RNGTT: variants seen among roughly 807,000 people sequenced by gnomAD.
RNGTT encodes the protein mRNA-capping enzyme.
Under a neutral mutation model 79.3 loss-of-function variants are expected in RNGTT, and 33 were observed. The ratio of observed to expected loss-of-function variants is 0.42; its 90% CI spans 0.32 to 0.56. The LOEUF (loss-of-function observed/expected upper bound fraction) is 0.56. RNGTT is among the 20% of genes least tolerant of loss of function. The pLI, the probability that RNGTT is intolerant of heterozygous loss-of-function variation, is 0.17. For missense variants in RNGTT, 497 were observed against 739.1 expected, an observed-to-expected ratio of 0.67 and a Z score of 3.80; for synonymous variants, 222 against 235.9, an observed-to-expected ratio of 0.94 and a Z score of 0.54.
In RNGTT at chr6:88,610,727, T is replaced by C. The variant is rs1352919506; in HGVS notation, c.*1992A>G. On this transcript the variant is annotated 3_prime_UTR_variant, in exon 16 of 16. Transcript: ENST00000369485. The stretch of plus-strand genomic sequence containing the variant: ...AATGCACAAAGACTTGAAGAAAATA[T>C]CTGGGTGTATTAAAAGTGAGATGCT... The C allele has an allele frequency of 6.6e-6, 1 of 152,192 alleles. No homozygotes were observed. Among genetic ancestry groups the C allele is most frequent in the Non-Finnish European group, 1.5e-5 (1 of 68,030 alleles). 9.4% of individuals were successfully genotyped at this position (152,192 alleles called of 1,614,324 possible).
intron 2 of RNGTT, among the ~76,000 whole-genome samples, chr6:88,939,617 A>C (rs1361152334): frequency 6.6e-6 from 1 of 152,070 alleles, no homozygotes; most frequent in South Asian, 2.1e-4. Flanking sequence ...CCATTTCATG[A>C]ATTTTTTTAT....
At chr6:88,698,200 GATATATATGAAATATATATATCAT>G (rs1226405784) in intron 13 of RNGTT, among the ~76,000 whole-genome samples, 4 of 81,298 alleles carry the variant, frequency 4.9e-5, no homozygotes, top group South Asian at 6.4e-4. Context: ...AAATATATAT[GATATATATGAAATATATATATCAT>G]ATATATATGA....
chr6:88,676,288 G>T (rs879765166), intron 14 of RNGTT, among the ~76,000 whole-genome samples: 1 of 151,848 alleles, frequency 6.6e-6, no homozygotes, highest in Non-Finnish European at 1.5e-5. Context: ...AAGCTGTAAG[G>T]TCTTTATTCT....
At chr6:88,885,464 C>T (rs192970823) in intron 8 of RNGTT, among the ~76,000 whole-genome samples, 130 of 151,966 alleles carry the variant, frequency 8.6e-4, no homozygotes, top group African/African-American at 3.0e-3. Flanking sequence ...GTCTATGAGT[C>T]CACACTGATA....
rs200498670 is a variant in RNGTT, at chr6:88,738,839, TAC to T, written c.1439+30933_1439+30934del. Among the ~76,000 whole-genome samples the T allele has an allele frequency of 5.5e-3, 776 of 142,306 alleles. 5 individuals are homozygous for T. The highest frequency in any genetic ancestry group is 0.015 in the African/African-American group (596 of 39,074). The allele number at this position is 142,306 out of a possible 152,430, so 93.4% of individuals were successfully genotyped here. On this transcript the variant is annotated intron_variant, in intron 13 of 15. Transcript: ENST00000369485. ...TGGAAACTAAAGTCTATAAATAAAA[TAC>T]ACACACACACACACACACACACACA... is the stretch of plus-strand genomic sequence containing the variant.
chr6:88,940,584 G>T (rs1784815442), intron 2 of RNGTT, among the ~76,000 whole-genome samples: 1 of 152,124 alleles, frequency 6.6e-6, no homozygotes, highest in Non-Finnish European at 1.5e-5. Context: ...AGTAAGTTTT[G>T]CTGGGGGCTG....
At chr6:88,636,345 G>C (rs1006681814) in intron 14 of RNGTT, among the ~76,000 whole-genome samples, 1 of 151,884 alleles carries the variant, frequency 6.6e-6, no homozygotes, top group Non-Finnish European at 1.5e-5. Flanking sequence ...ATTTATTTTT[G>C]CTAATATATC....
intron 13 of RNGTT, among the ~76,000 whole-genome samples, chr6:88,768,491 C>T (rs1778541274): frequency 6.6e-6 from 1 of 152,144 alleles, no homozygotes; most frequent in African/African-American, 2.4e-5. Context: ...TAAGATTCAC[C>T]ACAATGCACA....
chr6:88,764,766 C>T (rs1582432568), intron 13 of RNGTT, among the ~76,000 whole-genome samples: 1 of 152,188 alleles, frequency 6.6e-6, no homozygotes, highest in Non-Finnish European at 1.5e-5. Flanking sequence ...TTTCTCAGGA[C>T]ATATACTACC....
chr6:88,911,662 C>A (rs552690146), intron 4 of RNGTT, among the ~76,000 whole-genome samples: 94 of 152,094 alleles, frequency 6.2e-4, no homozygotes, highest in African/African-American at 2.2e-3. Flanking sequence ...TTTGGGCAAA[C>A]AACGAAATTA....
intron 14 of RNGTT, among the ~76,000 whole-genome samples, chr6:88,648,471 T>TATAATA (rs200062814): frequency 6.1e-5 from 9 of 147,018 alleles, no homozygotes; most frequent in Admixed American, 2.0e-4. Flanking sequence ...CTTAAAGTAT[T>TATAATA]ATAATAATAA....
intron 11 of RNGTT, among the ~76,000 whole-genome samples, chr6:88,819,970 C>T (rs1192023798): frequency 1.3e-5 from 2 of 152,032 alleles, no homozygotes; most frequent in Admixed American, 6.6e-5. Flanking sequence ...TCCACACATG[C>T]CTCTCTGGAA....
intron 14 of RNGTT, among the ~76,000 whole-genome samples, chr6:88,657,299 G>T (rs1231921375): frequency 6.6e-6 from 1 of 152,154 alleles, no homozygotes; most frequent in Non-Finnish European, 1.5e-5. Context: ...CTCACTTAGA[G>T]CTGAAATGGA....
At chr6:88,731,632 T>C (rs373654478) in intron 13 of RNGTT, among the ~76,000 whole-genome samples, 1 of 152,166 alleles carries the variant, frequency 6.6e-6, no homozygotes, top group African/African-American at 2.4e-5. Context: ...GATTTTAAGA[T>C]GTATTCACCA....
intron 2 of RNGTT, among the ~76,000 whole-genome samples, chr6:88,938,252 T>C (rs1471228952): frequency 6.6e-6 from 1 of 152,216 alleles, no homozygotes; most frequent in African/African-American, 2.4e-5. Flanking sequence ...TATATCCTCT[T>C]GCCAAACTGA....
chr6:88,795,545 G>C (rs1161568448), intron 12 of RNGTT, among the ~76,000 whole-genome samples: 1 of 152,066 alleles, frequency 6.6e-6, no homozygotes, highest in East Asian at 1.9e-4. Context: ...GGGGTTGGGG[G>C]CTAGGGAAGG....
chr6:88,649,669 C>T (rs1054462853), intron 14 of RNGTT, among the ~76,000 whole-genome samples: 33 of 152,110 alleles, frequency 2.2e-4, no homozygotes, highest in South Asian at 6.2e-4. Context: ...TGCACTCCCG[C>T]CTGGGTGAAA....
chr6:88,641,810 T>C (rs1773331184), intron 14 of RNGTT, among the ~76,000 whole-genome samples: 3 of 152,216 alleles, frequency 2.0e-5, no homozygotes, highest in Non-Finnish European at 4.4e-5. Context: ...TTTCTGAGCA[T>C]AACTGCAGCT....
intron 12 of RNGTT, among the ~76,000 whole-genome samples, chr6:88,791,391 G>A (rs899702855): frequency 2.3e-4 from 35 of 151,706 alleles, no homozygotes; most frequent in Admixed American, 7.2e-4. Context: ...CGCCCACCTC[G>A]GCCTCCCAAA....
Sources: gnomAD v4.1 joint callset for allele counts (sites outside exome capture counted in the v4.1 genomes callset) on GRCh38, gnomAD v4.1.1 for gene constraint, MANE v1.5 for transcripts, NCBI Gene and HGNC (gene_info 2026-07-23, HGNC 2026-07-21) for gene names.